Variants in MBNL2 observed in about 807,000 individuals in gnomAD.
The protein encoded by MBNL2 is muscleblind like splicing regulator 2.
Under a neutral mutation model 41.9 loss-of-function variants are expected in MBNL2, and 17 were observed. The ratio of observed to expected loss-of-function variants is 0.41; its 90% CI spans 0.28 to 0.61. The LOEUF (loss-of-function observed/expected upper bound fraction) is 0.61. Ranked by LOEUF, MBNL2 falls within the 20% of genes least tolerant of loss-of-function variation. The pLI, the probability that MBNL2 is intolerant of heterozygous loss-of-function variation, is 0.35. For synonymous variants in MBNL2, 195 were observed against 182.9 expected, an observed-to-expected ratio of 1.07 and a Z score of -0.53; for missense variants, 336 against 505.6, an observed-to-expected ratio of 0.66 and a Z score of 3.22.
rs546789636 is a variant in MBNL2, at chr13:97,389,215, G to A, written c.1049-2107G>A. ...TTTCAGTGGTCATTTATGTCTGTTC[G>A]TCAAATACAAGTTCAAAGCCTTGCC... On this transcript the variant is annotated intron_variant, in intron 8 of 8. Transcript: ENST00000679496. 7.7e-4 allele frequency among the ~76,000 whole-genome samples: 117 copies of A among 152,264 alleles called. 3 individuals are homozygous for A. The South Asian group carries it at 0.022, about 29-fold the overall frequency.
At chr13:97,357,376 C>T (rs765523299) in intron 6 of MBNL2, 106 bp from the exon 7 acceptor site, 4 of 939,978 alleles carry the variant, frequency 4.3e-6, no homozygotes, top group African/African-American at 1.6e-5. Flanking sequence ...GAGGCATCTC[C>T]TTAGCTGTCA....
intron 1 of MBNL2, among the ~76,000 whole-genome samples, chr13:97,235,210 C>G (rs2043049627): frequency 6.6e-6 from 1 of 151,680 alleles, no homozygotes; most frequent in Admixed American, 6.6e-5. Flanking sequence ...ATCACAAACT[C>G]TGTCTTTTTT....
Position 97,370,055 on chromosome 13 carries a change from T to C in MBNL2, c.1048+4884T>C, listed in dbSNP as rs1489071363. Among the ~76,000 whole-genome samples the C allele has an allele frequency of 7.2e-5, 11 of 152,176 alleles. No individual in the cohort carries two copies. In the East Asian group the frequency reaches 2.1e-3, roughly 29 times the overall value. On this transcript the variant is annotated intron_variant, in intron 8 of 8. Coordinates refer to ENST00000679496, the MANE Select transcript of MBNL2 (RefSeq NM_001382683.1). The stretch of plus-strand genomic sequence containing the variant: ...ATATTACATATCATCATATATTCTA[T>C]TATATACTATGTAAGACAGGATAGT...
At chr13:97,236,472 A>C (rs1220391997) in intron 1 of MBNL2, among the ~76,000 whole-genome samples, 1 of 148,548 alleles carries the variant, frequency 6.7e-6, no homozygotes, top group Non-Finnish European at 1.5e-5. Flanking sequence ...AGATGTGTTC[A>C]CTTTGTGAAA....
intron 1 of MBNL2, among the ~76,000 whole-genome samples, chr13:97,260,828 C>T (rs2048476469): frequency 6.6e-6 from 1 of 152,146 alleles, no homozygotes; most frequent in African/African-American, 2.4e-5. Flanking sequence ...CTCCACCTTC[C>T]CCATCCACAG....
At chr13:97,204,446 G>C in the MBNL2 span, among the ~76,000 whole-genome samples, 1 of 152,106 alleles carries the variant, frequency 6.6e-6, no homozygotes, top group African/African-American at 2.4e-5. Flanking sequence ...AGACAATTTT[G>C]TCATTCTAAG....
intron 2 of MBNL2, among the ~76,000 whole-genome samples, chr13:97,297,972 C>T (rs1250506147): frequency 1.3e-5 from 2 of 151,874 alleles, no homozygotes; most frequent in African/African-American, 2.4e-5. Context: ...AAATATTTCT[C>T]GAAAGGAGAG....
At chr13:97,187,913 A>AC in the MBNL2 span, among the ~76,000 whole-genome samples, 1 of 151,892 alleles carries the variant, frequency 6.6e-6, no homozygotes, top group Non-Finnish European at 1.5e-5. Flanking sequence ...TCTCAAAAAA[A>AC]AAAAAAAAGA....
At chr13:97,145,330 CATG>C in the MBNL2 span, among the ~76,000 whole-genome samples, 1 of 151,540 alleles carries the variant, frequency 6.6e-6, no homozygotes, top group Non-Finnish European at 1.5e-5. Context: ...AAAAAAGCAA[CATG>C]ATAAGAAAGA....
chr13:97,254,256 T>C (rs1036093900), intron 1 of MBNL2, among the ~76,000 whole-genome samples: 1 of 152,204 alleles, frequency 6.6e-6, no homozygotes, highest in African/African-American at 2.4e-5. Context: ...ATTTAGATAT[T>C]TAGATTAAAA....
chr13:97,221,270 T>C (rs554288725), upstream of MBNL2, among the ~76,000 whole-genome samples: 2 of 152,188 alleles, frequency 1.3e-5, no homozygotes, highest in East Asian at 3.9e-4. Flanking sequence ...TCTCAAAATG[T>C]GGTATTTAGG....
At chr13:97,282,306 G>A (rs892309018) in intron 2 of MBNL2, among the ~76,000 whole-genome samples, 3 of 152,148 alleles carry the variant, frequency 2.0e-5, no homozygotes, top group African/African-American at 7.2e-5. Context: ...AGTGAGCCAT[G>A]ATTGCACCAC....
At chr13:97,349,120 CAT>C (rs2062178064) in intron 5 of MBNL2, among the ~76,000 whole-genome samples, 2 of 152,164 alleles carry the variant, frequency 1.3e-5, no homozygotes, top group South Asian at 2.1e-4. Context: ...CCTTCTCATT[CAT>C]ATGTTATTGG....
intron 1 of MBNL2, among the ~76,000 whole-genome samples, chr13:97,249,987 G>A (rs2152836613): frequency 6.6e-6 from 1 of 152,330 alleles, no homozygotes; most frequent in South Asian, 2.1e-4. Flanking sequence ...GCTTGGCAAA[G>A]CTTTTTGCTG....
At position 97,268,067 on chromosome 13, in the gene MBNL2, T is replaced by A. The variant is rs2050173442; in HGVS notation, c.-604-7565T>A. 7.1e-6 allele frequency among the ~76,000 whole-genome samples: 1 copy of A among 141,320 alleles called. No individual in the cohort carries two copies. The highest frequency in any genetic ancestry group is 2.7e-5 in the African/African-American group (1 of 37,686). 92.7% of individuals were successfully genotyped at this position (141,320 alleles called of 152,430 possible). On this transcript the variant is annotated intron_variant, in intron 1 of 8. Coordinates refer to ENST00000679496, the MANE Select transcript of MBNL2 (RefSeq NM_001382683.1). This position sits in a 1 kb window ranked among gnomAD's most constrained non-coding sequence, Gnocchi z 4.6. ...GTGGGGCCTAAGAGTGTGCTTTTCTTTTTTCTTTCCTTCCTTCCTTCCTTC... is the reference window on the plus strand; with the variant it reads ...GTGGGGCCTAAGAGTGTGCTTTTCTATTTTCTTTCCTTCCTTCCTTCCTTC...
chr13:97,325,274 T>C (rs1209457988), intron 2 of MBNL2, among the ~76,000 whole-genome samples: 1 of 152,232 alleles, frequency 6.6e-6, no homozygotes, highest in Non-Finnish European at 1.5e-5. Context: ...CTGATTTCTC[T>C]TAACTGGCAC....
chr13:97,272,522 C>A (rs2152920685), intron 1 of MBNL2, among the ~76,000 whole-genome samples: 1 of 152,276 alleles, frequency 6.6e-6, no homozygotes, highest in East Asian at 1.9e-4. Flanking sequence ...TTTCTGCATG[C>A]CTATGTCCTG....
intron 2 of MBNL2, among the ~76,000 whole-genome samples, chr13:97,301,928 G>A (rs1281468332): frequency 1.3e-5 from 2 of 152,222 alleles, no homozygotes; most frequent in African/African-American, 2.4e-5. Flanking sequence ...TCTCAGAGCA[G>A]TAAGCTCTAC....
intron 1 of MBNL2, among the ~76,000 whole-genome samples, chr13:97,251,927 T>G (rs945211296): frequency 1.6e-4 from 23 of 139,604 alleles, no homozygotes; most frequent in African/African-American, 6.1e-4. Flanking sequence ...CTCGGCTCAC[T>G]GCAAGCTCCG....
Sources: gnomAD v4.1 joint callset for allele counts (sites outside exome capture counted in the v4.1 genomes callset) on GRCh38, gnomAD v4.1.1 for gene constraint, Gnocchi (gnomAD v3.1) non-coding constraint, MANE v1.5 for transcripts, NCBI Gene and HGNC (gene_info 2026-07-23, HGNC 2026-07-21) for gene names.